FCHSD2: variants seen among roughly 807,000 people sequenced by gnomAD.
The protein encoded by FCHSD2 is FCH and double SH3 domains 2.
A neutral mutation model predicts 108.1 loss-of-function variants in FCHSD2; 38 were observed. The ratio of observed to expected loss-of-function variants is 0.35; its 90% CI spans 0.27 to 0.46. The LOEUF (loss-of-function observed/expected upper bound fraction) is 0.46. Among genes scored for constraint, FCHSD2 ranks in the 20% least tolerant of loss-of-function variants. The probability of loss-of-function intolerance (pLI) is 1.00; values close to 1 mark genes in which losing one functional copy is unlikely to be tolerated. For missense variants in FCHSD2, 751 were observed against 897.8 expected (o/e 0.84, Z 2.09); for synonymous variants, 279 against 314.7 (o/e 0.89, Z 1.20).
chr11:72,958,476 C>T (rs1856756902), intron 8 of FCHSD2, among the ~76,000 whole-genome samples: 1 of 152,192 alleles, frequency 6.6e-6, no homozygotes, highest in Non-Finnish European at 1.5e-5. Flanking sequence ...TGAGATCGCA[C>T]CACTGCACTC....
At chr11:72,853,027 A>G (rs760361437) in intron 13 of FCHSD2, among the ~76,000 whole-genome samples, 1 of 152,194 alleles carries the variant, frequency 6.6e-6, no homozygotes. Context: ...ATTAGAAAAA[A>G]TAACTATTGG....
intron 3 of FCHSD2, among the ~76,000 whole-genome samples, chr11:73,021,716 T>TA (rs937703061): frequency 3.3e-5 from 5 of 150,356 alleles, no homozygotes; most frequent in Non-Finnish European, 5.9e-5. Context: ...AAATAAAACT[T>TA]AAAAAAAAAG....
chr11:73,140,219 T>G (rs1387418928), intron 1 of FCHSD2, 91 bp from the exon 2 acceptor site: 1 of 638,118 alleles, frequency 1.6e-6, no homozygotes, highest in Non-Finnish European at 2.7e-6. Flanking sequence ...AATATGTCTC[T>G]TGCTCGCCTC....
chr11:72,999,598 G>A (rs1358800426), intron 5 of FCHSD2, among the ~76,000 whole-genome samples: 1 of 152,106 alleles, frequency 6.6e-6, no homozygotes. Flanking sequence ...GGGATTACAG[G>A]CGTGAGCCAC....
At chr11:72,883,363 A>C (rs1483171581) in intron 12 of FCHSD2, among the ~76,000 whole-genome samples, 2 of 152,236 alleles carry the variant, frequency 1.3e-5, no homozygotes, top group African/African-American at 2.4e-5. Flanking sequence ...AGAAAATGAA[A>C]AGGTAAGCCA....
intron 2 of FCHSD2, among the ~76,000 whole-genome samples, chr11:73,118,457 G>C (rs1860655646): frequency 6.6e-6 from 1 of 152,144 alleles, no homozygotes; most frequent in African/African-American, 2.4e-5. Flanking sequence ...CCACAAATTA[G>C]TTCTGCCTGT....
intron 2 of FCHSD2, among the ~76,000 whole-genome samples, chr11:73,106,252 C>T (rs980352984): frequency 2.6e-5 from 4 of 151,924 alleles, no homozygotes; most frequent in African/African-American, 9.7e-5. Flanking sequence ...ACAAAAAGCA[C>T]ATGAATTAGC....
intron 8 of FCHSD2, among the ~76,000 whole-genome samples, chr11:72,947,992 C>T (rs1856550348): frequency 6.6e-6 from 1 of 151,888 alleles, no homozygotes; most frequent in African/African-American, 2.4e-5. Context: ...GGGTATCATA[C>T]ATTTTTTGTT....
chr11:73,118,662 A>T (rs934668010), intron 2 of FCHSD2, among the ~76,000 whole-genome samples: 1 of 152,164 alleles, frequency 6.6e-6, no homozygotes, highest in Non-Finnish European at 1.5e-5. Context: ...TTATCTCTTC[A>T]TTACTGATTT....
At chr11:73,008,542 G>A (rs1857792110) in intron 4 of FCHSD2, among the ~76,000 whole-genome samples, 1 of 152,134 alleles carries the variant, frequency 6.6e-6, no homozygotes, top group Admixed American at 6.5e-5. Flanking sequence ...GATAAGAACT[G>A]AAACACAACT....
At chr11:73,022,630 C>T (rs2135441091) in intron 3 of FCHSD2, among the ~76,000 whole-genome samples, 1 of 152,270 alleles carries the variant, frequency 6.6e-6, no homozygotes, top group Middle Eastern at 3.4e-3. Flanking sequence ...ATGTTAATGA[C>T]TTGGGACTTC....
intron 8 of FCHSD2, among the ~76,000 whole-genome samples, chr11:72,925,125 A>G (rs902093543): frequency 6.6e-6 from 1 of 152,180 alleles, no homozygotes; most frequent in Non-Finnish European, 1.5e-5. Flanking sequence ...ATCTCAGTAC[A>G]ATATAAACAG....
At chr11:73,109,940 C>T (rs1328260084) in intron 2 of FCHSD2, among the ~76,000 whole-genome samples, 1 of 152,140 alleles carries the variant, frequency 6.6e-6, no homozygotes, top group Non-Finnish European at 1.5e-5. Flanking sequence ...TTTTGAGCAT[C>T]AATTGAAATG....
rs184135454 is a variant in FCHSD2 at position 72,929,584 on chromosome 11, A to G, written c.706-7634T>C. On this transcript the variant is annotated intron_variant, in intron 8 of 19. Transcript: ENST00000409418. ...GCTCCAGCCCCCTGCCTTAAATTGC[A>G]ATTGTCTGAACCAATGATGGCATCT... Among the ~76,000 whole-genome samples, 10 of 152,336 alleles carry G rather than the reference A, an allele frequency of 6.6e-5. No homozygotes were observed. In the East Asian group the frequency reaches 1.3e-3, roughly 21 times the overall value.
At chr11:72,970,853 C>G (rs1440296856) in intron 8 of FCHSD2, among the ~76,000 whole-genome samples, 1 of 152,202 alleles carries the variant, frequency 6.6e-6, no homozygotes, top group Admixed American at 6.5e-5. Context: ...CCACTGCCCT[C>G]ATATTTGCCT....
At position 72,937,640 on chromosome 11, in the gene FCHSD2, G is replaced by C. The variant is rs550816570; in HGVS notation, c.706-15690C>G. Among the ~76,000 whole-genome samples, 3 of 152,270 alleles carry C rather than the reference G, an allele frequency of 2.0e-5. No individual in the cohort carries two copies. In the South Asian group the frequency reaches 6.2e-4, roughly 32 times the overall value. ...ATATAGGCGTGAGCCACCGCGCCTG[G>C]CCAAAATATTTTTTTAGAACCTACT... On this transcript the variant is annotated intron_variant, in intron 8 of 19. Transcript: ENST00000409418.
chr11:73,023,550 C>T (rs751863040), intron 3 of FCHSD2, among the ~76,000 whole-genome samples: 10 of 152,234 alleles, frequency 6.6e-5, no homozygotes, highest in South Asian at 6.2e-4. Flanking sequence ...CTAGTGAGGA[C>T]GCAGAGTTAC....
intron 2 of FCHSD2, among the ~76,000 whole-genome samples, chr11:73,087,241 AAT>A (rs1391287170): frequency 6.6e-6 from 1 of 152,200 alleles, no homozygotes. Context: ...AATTTGTAAA[AAT>A]AGTCAAAAGC....
intron 8 of FCHSD2, among the ~76,000 whole-genome samples, chr11:72,964,431 G>C (rs1856867553): frequency 6.6e-6 from 1 of 152,188 alleles, no homozygotes; most frequent in Non-Finnish European, 1.5e-5. Flanking sequence ...TTTACTCCCT[G>C]AGATGGGGTT....
Sources: allele counts gnomAD v4.1 joint callset (sites outside exome capture counted in the v4.1 genomes callset), GRCh38; gene constraint gnomAD v4.1.1; transcripts MANE v1.5; gene names NCBI Gene and HGNC (gene_info 2026-07-23, HGNC 2026-07-21).